The following NCOA3 variants were observed in gnomAD, a reference collection of about 807,000 sequenced individuals.
NCOA3 encodes nuclear receptor coactivator 3.
Under a neutral mutation model 158.8 loss-of-function variants are expected in NCOA3, and 51 were observed. The observed-to-expected ratio is 0.32, with a 90% CI of 0.26 to 0.41. The LOEUF (loss-of-function observed/expected upper bound fraction) is 0.41, where lower values mean the gene tolerates loss of function less well. NCOA3 is among the 10% of genes least tolerant of loss of function. NCOA3 has a pLI of 1.00. For synonymous variants in NCOA3, 537 were observed against 592.4 expected (o/e 0.91, Z 1.36); for missense variants, 1,510 against 1,746.6 (o/e 0.86, Z 2.41).
At chr20:47,591,608 T>G (rs2085641653) in intron 2 of NCOA3, among the ~76,000 whole-genome samples, 1 of 152,218 alleles carries the variant, frequency 6.6e-6, no homozygotes, top group Admixed American at 6.5e-5. Flanking sequence ...ACTGATTGTC[T>G]CAACTTTTAT....
At chr20:47,583,332 C>T (rs1429499289) in intron 2 of NCOA3, 71 bp downstream of exon 2, 2 of 396,734 alleles carry the variant, frequency 5.0e-6, no homozygotes, top group Non-Finnish European at 8.9e-6. Context: ...TATTACCCTC[C>T]TCTTTAATTT....
At chr20:47,647,020 T>G in intron 17 of NCOA3, 53 bp from the exon 18 acceptor site, 1 of 1,534,898 alleles carries the variant, frequency 6.5e-7, no homozygotes, top group Non-Finnish European at 8.8e-7. Context: ...AGCATTTGAC[T>G]TCTGTTGCTT....
At position 47,642,020 on chromosome 20, in the gene NCOA3, C is replaced by G. The variant is rs367811784; in HGVS notation, c.3081-193C>G. Among the ~76,000 whole-genome samples, 4 of 152,202 alleles carry G rather than the reference C, an allele frequency of 2.6e-5. No homozygotes were observed. In the East Asian group the frequency reaches 7.7e-4, roughly 29 times the overall value. On this transcript the variant is annotated intron_variant, in intron 16 of 22. Transcript: ENST00000371998. ...GCTGTATATGGTGGTCTAAAGTGGC[C>G]TGGTGAAATTTCTAAATTGTGGGCC...
At chr20:47,586,032 G>C (rs12624503) in intron 2 of NCOA3, among the ~76,000 whole-genome samples, 31,039 of 150,250 alleles carry the variant, frequency 0.21, 3,682 homozygotes, top group Middle Eastern at 0.32. Flanking sequence ...TGATTCTCCT[G>C]CCTCAGCCTC....
intron 2 of NCOA3, among the ~76,000 whole-genome samples, chr20:47,620,041 G>A (rs1427644820): frequency 1.3e-5 from 2 of 152,120 alleles, no homozygotes; most frequent in South Asian, 2.1e-4. Flanking sequence ...TGATTCACCC[G>A]CCTCGGCCTC....
At chr20:47,578,466 A>G (rs1229118420) in intron 1 of NCOA3, among the ~76,000 whole-genome samples, 1 of 152,204 alleles carries the variant, frequency 6.6e-6, no homozygotes, top group African/African-American at 2.4e-5. Context: ...GATTACAGGC[A>G]TGAGCCACTG....
rs548567147 is a variant in NCOA3 at position 47,653,773 on chromosome 20, G to A, written c.*356G>A. 45 of 302,422 alleles carry A rather than the reference G, an allele frequency of 1.5e-4. No individual in the cohort carries two copies. Among genetic ancestry groups the A allele is most frequent in the Non-Finnish European group, 2.5e-4 (41 of 164,404 alleles). The allele number at this position is 302,422 out of a possible 1,614,324, so 18.7% of individuals were successfully genotyped here. On this transcript the variant is annotated 3_prime_UTR_variant, in exon 23 of 23. Transcript: ENST00000371998. The stretch of plus-strand genomic sequence containing the variant: ...AGCCAAAATCTCTTAAATACACGTA[G>A]GTGGGCCAGAGAACATTGGAAGAAT...
At position 47,635,730 on chromosome 20, in the gene NCOA3, T is replaced by A. The variant is rs2086501340; in HGVS notation, c.1504+17T>A. The A allele has an allele frequency of 6.3e-7, 1 of 1,581,746 alleles. No homozygotes were observed. The highest frequency in any genetic ancestry group is 1.4e-5 in the African/African-American group (1 of 73,034). ...CTGTTGCAGGTATTTGTGTTGACATTTCCTTTTATTTTTTTTCTTTTTAAG... is the reference window on the plus strand; with the variant it reads ...CTGTTGCAGGTATTTGTGTTGACATATCCTTTTATTTTTTTTCTTTTTAAG... On this transcript the variant is annotated intron_variant, in intron 11 of 22. Coordinates refer to ENST00000371998, the MANE Select transcript of NCOA3 (RefSeq NM_181659.3).
In NCOA3 at chr20:47,613,351, A is replaced by G. The variant is rs1366470133; in HGVS notation, c.-19-8878A>G. On this transcript the variant is annotated intron_variant, in intron 2 of 22. Transcript: ENST00000371998. ...GATTCCTTCTTTTTTTTTTTTTTTA[A>G]CACTTACCAAATTTAATTGTTTTTC... Among the ~76,000 whole-genome samples, 3 of 150,210 alleles carry G rather than the reference A, an allele frequency of 2.0e-5. No individual in the cohort carries two copies. The East Asian group carries it at 5.8e-4, about 29-fold the overall frequency.
At chr20:47,638,131 A>C (rs983897923) in intron 13 of NCOA3, among the ~76,000 whole-genome samples, 3 of 152,178 alleles carry the variant, frequency 2.0e-5, no homozygotes, top group Admixed American at 1.3e-4. Context: ...CAGACTCTAG[A>C]TTAAAACCTG....
At position 47,579,018 on chromosome 20, in the gene NCOA3, C is replaced by T. The variant is rs1453945745; in HGVS notation, c.-98-4165C>T. ...TGGATTTTCCTGTGTATCAACTCCT[C>T]TCCCCAATTTTATTCTTTGTTCTGG... On this transcript the variant is annotated intron_variant, in intron 1 of 22. Transcript: ENST00000371998. Among the ~76,000 whole-genome samples, 4 of 152,204 alleles carry T rather than the reference C, an allele frequency of 2.6e-5. No homozygotes were observed. In the East Asian group the frequency reaches 7.7e-4, roughly 29 times the overall value.
At chr20:47,555,694 A>G (rs1484710568) in intron 1 of NCOA3, among the ~76,000 whole-genome samples, 2 of 127,650 alleles carry the variant, frequency 1.6e-5, no homozygotes, top group Non-Finnish European at 3.1e-5. Flanking sequence ...GCTGGAGTGC[A>G]GTTGCACTAT....
intron 19 of NCOA3, 46 bp downstream of exon 19, chr20:47,649,155 C>T (rs762377492): frequency 1.6e-6 from 2 of 1,281,604 alleles, no homozygotes; most frequent in Non-Finnish European, 1.1e-6. Flanking sequence ...GTGCTCAGGA[C>T]AGGGCTTGGC....
At chr20:47,505,595 A>T (rs1370972010) in intron 1 of NCOA3, among the ~76,000 whole-genome samples, 1 of 152,130 alleles carries the variant, frequency 6.6e-6, no homozygotes, top group Non-Finnish European at 1.5e-5. Flanking sequence ...AGTTTGGTTC[A>T]TATCCTTGGT....
chr20:47,543,898 A>G (rs2146136279), intron 1 of NCOA3, among the ~76,000 whole-genome samples: 1 of 152,284 alleles, frequency 6.6e-6, no homozygotes, highest in South Asian at 2.1e-4. Flanking sequence ...GACTCTATTT[A>G]CTAGTATTTA....
intron 1 of NCOA3, among the ~76,000 whole-genome samples, chr20:47,565,073 G>A (rs186113245): frequency 5.3e-5 from 8 of 152,018 alleles, no homozygotes; most frequent in Admixed American, 3.9e-4. Flanking sequence ...CCTCTGCCTC[G>A]TGGGTTCAAG....
chr20:47,537,452 G>A (rs1382021066), intron 1 of NCOA3, among the ~76,000 whole-genome samples: 3 of 151,448 alleles, frequency 2.0e-5, no homozygotes, highest in Non-Finnish European at 4.4e-5. Context: ...GGGGGGGGAA[G>A]TGTTGGGAAA....
chr20:47,570,939 TACACACAC>T (rs71183265), intron 1 of NCOA3, among the ~76,000 whole-genome samples: 4,388 of 114,970 alleles, frequency 0.038, 143 homozygotes, highest in Middle Eastern at 0.14. Context: ...GTAATATATA[TACACACAC>T]ACACACACAC....
intron 1 of NCOA3, among the ~76,000 whole-genome samples, chr20:47,570,939 T>TATATACAC (rs369516174): frequency 0.012 from 1,413 of 114,812 alleles, 29 homozygotes; most frequent in African/African-American, 0.047. Flanking sequence ...GTAATATATA[T>TATATACAC]ACACACACAC....
Sources: gnomAD v4.1 joint callset for allele counts (sites outside exome capture counted in the v4.1 genomes callset) on GRCh38, gnomAD v4.1.1 for gene constraint, MANE v1.5 for transcripts, NCBI Gene and HGNC (gene_info 2026-07-23, HGNC 2026-07-21) for gene names.